The following SLC38A6 variants were observed in gnomAD, a reference collection of about 807,000 sequenced individuals.
SLC38A6 encodes N system amino acid transporter NAT-1.
In SLC38A6, 73 loss-of-function variants were observed where a neutral mutation model predicts 65.0. The observed-to-expected ratio is 1.12, with a 90% CI of 0.93 to 1.37. The LOEUF is 1.37. Ranked by LOEUF, SLC38A6 falls within the 40% of genes most tolerant of loss-of-function variation. SLC38A6 has a pLI of 0.00. For missense variants in SLC38A6, 561 were observed against 531.1 expected, an observed-to-expected ratio of 1.06 and a Z score of -0.55; for synonymous variants, 183 against 178.8, an observed-to-expected ratio of 1.02 and a Z score of -0.19.
chr14:61,083,309 A>C (rs1180140502), intron 16 of SLC38A6, among the ~76,000 whole-genome samples: 1 of 152,184 alleles, frequency 6.6e-6, no homozygotes, highest in Non-Finnish European at 1.5e-5. Flanking sequence ...CATGCTTGCC[A>C]GGTTCTGGGT....
At chr14:61,073,523 C>G (rs2043299111) in intron 15 of SLC38A6, among the ~76,000 whole-genome samples, 1 of 152,122 alleles carries the variant, frequency 6.6e-6, no homozygotes, top group Non-Finnish European at 1.5e-5. Context: ...ATCATTAACT[C>G]AGAAAGGCCA....
intron 3 of SLC38A6, 21 bp from the exon 4 acceptor site, chr14:61,015,883 C>T: frequency 6.3e-7 from 1 of 1,590,600 alleles, no homozygotes; most frequent in Non-Finnish European, 8.5e-7. Flanking sequence ...TAAAAGTGAA[C>T]ATTGTAATTT....
At chr14:61,044,612 A>C (rs765123438) in intron 10 of SLC38A6, among the ~76,000 whole-genome samples, 4 of 152,164 alleles carry the variant, frequency 2.6e-5, no homozygotes, top group Non-Finnish European at 4.4e-5. Context: ...GTTAAGTGGA[A>C]ATTTTTTTAG....
intron 10 of SLC38A6, among the ~76,000 whole-genome samples, chr14:61,044,492 C>T (rs1383137544): frequency 6.6e-6 from 1 of 152,190 alleles, no homozygotes; most frequent in African/African-American, 2.4e-5. Flanking sequence ...TCAGGAAACA[C>T]TACAGCTTCC....
chr14:61,079,199 G>A (rs937918189), intron 16 of SLC38A6, among the ~76,000 whole-genome samples: 2 of 144,178 alleles, frequency 1.4e-5, no homozygotes, highest in Non-Finnish European at 3.0e-5. Context: ...GTGCAGTGGC[G>A]GGTATTGGCT....
At chr14:61,063,050 T>A (rs900029976) in intron 15 of SLC38A6, among the ~76,000 whole-genome samples, 1 of 152,226 alleles carries the variant, frequency 6.6e-6, no homozygotes, top group African/African-American at 2.4e-5. Flanking sequence ...TTTTATTCTC[T>A]TAACAGTGTC....
chr14:61,076,333 C>G (rs1381160454), intron 15 of SLC38A6, among the ~76,000 whole-genome samples: 2 of 152,232 alleles, frequency 1.3e-5, no homozygotes, highest in African/African-American at 4.8e-5. Flanking sequence ...AATGGAAGAT[C>G]ATTAGTCTCA....
intron 12 of SLC38A6, among the ~76,000 whole-genome samples, chr14:61,047,161 G>A (rs1213070154): frequency 6.6e-6 from 1 of 151,992 alleles, no homozygotes; most frequent in Non-Finnish European, 1.5e-5. Context: ...ATAAGAAAAA[G>A]TCCAAAAAAA....
intron 15 of SLC38A6, among the ~76,000 whole-genome samples, chr14:61,074,733 TTTTC>T (rs1400040147): frequency 3.3e-5 from 5 of 149,442 alleles, no homozygotes; most frequent in African/African-American, 7.4e-5. Context: ...CTTCTCTTTC[TTTTC>T]TTTCTTTCTT....
rs377103611 is a variant in SLC38A6 at position 61,010,993 on chromosome 14, C to T, written c.311-4911C>T. ...TTGGGCAGTATGGCCATTTTCACGA[C>T]ATTGATTCTTCCTACCCATGCGCAT... On this transcript the variant is annotated intron_variant, in intron 3 of 15. Transcript: ENST00000267488. 3.0e-4 allele frequency among the ~76,000 whole-genome samples: 46 copies of T among 152,126 alleles called. No individual in the cohort carries two copies. The East Asian group carries it at 6.2e-3, about 20-fold the overall frequency.
At chr14:61,037,548 C>A in intron 7 of SLC38A6, 77 bp from the exon 8 acceptor site, 1 of 1,007,564 alleles carries the variant, frequency 9.9e-7, no homozygotes, top group Non-Finnish European at 1.5e-6. Flanking sequence ...GAAAACATGC[C>A]TAAGATGTAT....
intron 3 of SLC38A6, among the ~76,000 whole-genome samples, chr14:60,992,782 G>A (rs1050152793): frequency 1.3e-5 from 2 of 151,624 alleles, no homozygotes; most frequent in Non-Finnish European, 2.9e-5. Flanking sequence ...CGCCTCCTGG[G>A]TTCAAGCAAT....
chr14:60,987,487 C>T (rs1056271936), intron 3 of SLC38A6: 2 of 152,178 alleles, frequency 1.3e-5, no homozygotes, highest in African/African-American at 4.8e-5. Context: ...TGTAAAGAAC[C>T]TTATTCTCTC....
intron 10 of SLC38A6, among the ~76,000 whole-genome samples, chr14:61,044,142 C>A (rs567521886): frequency 1.1e-4 from 16 of 152,288 alleles, no homozygotes; most frequent in African/African-American, 3.1e-4. Flanking sequence ...AGCTCAAAGT[C>A]TTCCCTGTTG....
At chr14:61,039,822 A>G (rs1295901832) in intron 8 of SLC38A6, among the ~76,000 whole-genome samples, 1 of 152,036 alleles carries the variant, frequency 6.6e-6, no homozygotes, top group Admixed American at 6.5e-5. Flanking sequence ...TATGTATAGC[A>G]TTTATATCAT....
intron 5 of SLC38A6, among the ~76,000 whole-genome samples, chr14:61,025,375 T>A (rs2040549760): frequency 6.6e-6 from 1 of 152,150 alleles, no homozygotes; most frequent in Non-Finnish European, 1.5e-5. Context: ...TATACTAGTT[T>A]GTATTGTCTC....
At chr14:61,033,716 TCTAAA>T (rs1417858358) in intron 6 of SLC38A6, among the ~76,000 whole-genome samples, 1 of 152,154 alleles carries the variant, frequency 6.6e-6, no homozygotes, top group Non-Finnish European at 1.5e-5. Flanking sequence ...ACATGTGAAA[TCTAAA>T]CTAATTTTAC....
chr14:61,061,580 C>T (rs1014823415), intron 15 of SLC38A6, among the ~76,000 whole-genome samples: 2 of 152,166 alleles, frequency 1.3e-5, no homozygotes, highest in Non-Finnish European at 2.9e-5. Context: ...TCCAAAATGT[C>T]ATATAGTTGC....
Position 61,018,730 on chromosome 14 carries a change from A to G in SLC38A6, c.364-811A>G, listed in dbSNP as rs1291007468. Reference sequence around the variant, plus strand: ...TCAAAGATGATAAGCTAACAAGCCTACAGACTGAATTTAGTCCTCAGGCAC... The same window carrying G: ...TCAAAGATGATAAGCTAACAAGCCTGCAGACTGAATTTAGTCCTCAGGCAC... On this transcript the variant is annotated intron_variant, in intron 4 of 15. Transcript: ENST00000267488. Among the ~76,000 whole-genome samples, 2 of 152,230 alleles carry G rather than the reference A, an allele frequency of 1.3e-5. 1 individual carries two copies. The highest frequency in any genetic ancestry group is 2.9e-5 in the Non-Finnish European group (2 of 68,024).
Sources: allele counts gnomAD v4.1 joint callset (sites outside exome capture counted in the v4.1 genomes callset), GRCh38; gene constraint gnomAD v4.1.1; transcripts MANE v1.5; gene names NCBI Gene and HGNC (gene_info 2026-07-23, HGNC 2026-07-21).